APOL3: variants seen among roughly 807,000 people sequenced by gnomAD.
APOL3 encodes apolipoprotein L3.
APOL3 carries 14 observed loss-of-function variants against 11.6 expected under a neutral mutation model. The observed-to-expected ratio is 1.21, with a 90% CI of 0.80 to 1.89. APOL3 has a LOEUF of 1.89. Ranked by LOEUF, APOL3 falls within the 40% of genes most tolerant of loss-of-function variation. APOL3 has a pLI of 0.00. For missense variants in APOL3, 483 were observed against 492.1 expected, an observed-to-expected ratio of 0.98 and a Z score of 0.17; for synonymous variants, 192 against 190.6, an observed-to-expected ratio of 1.01 and a Z score of -0.06.
exon 1 of APOL3, chr22:36,165,944 T>C (rs1389565061): frequency 6.6e-6 from 1 of 152,214 alleles, no homozygotes; most frequent in African/African-American, 2.4e-5. Flanking sequence ...AAACAGCCCC[T>C]GGCCCACCTA....
chr22:36,141,472 G>T (rs1006285216), exon 3 of APOL3: 8 of 1,614,002 alleles, frequency 5.0e-6, no homozygotes, highest in Non-Finnish European at 6.8e-6. Flanking sequence ...GCTGAGATTC[G>T]CCAGGTGGTC....
chr22:36,141,225 C>T lies in APOL3; in HGVS notation c.1184G>A (p.Arg395His), dbSNP rs774322767. Residue 395 changes from arginine to histidine, a missense_variant, in exon 3 of 3, where the codon CGT (arginine) becomes CAT (histidine). Coordinates refer to ENST00000349314, the Ensembl canonical transcript of APOL3. Reference sequence around the variant, plus strand: ...TCAGTGGGTATGGCATGGATTCAGACGCTGATAGATCTGAGTGAGCTCCAT... The same window carrying T: ...TCAGTGGGTATGGCATGGATTCAGATGCTGATAGATCTGAGTGAGCTCCAT... 1.2e-4 allele frequency: 191 copies of T among 1,613,644 alleles called. No individual in the cohort carries two copies. Among genetic ancestry groups the T allele is most frequent in the Non-Finnish European group, 1.4e-4 (168 of 1,179,782 alleles).
At chr22:36,161,400 G>A (rs1028359467), upstream of APOL3, 7 of 176,518 alleles carry the variant, frequency 4.0e-5, no homozygotes, top group African/African-American at 1.2e-4. Context: ...TTTTTACCAG[G>A]TTGGTTTCAA....
chr22:36,144,935 C>T (rs954579294), intron 2 of APOL3, among the ~76,000 whole-genome samples: 10 of 143,928 alleles, frequency 6.9e-5, no homozygotes, highest in East Asian at 2.1e-4. Flanking sequence ...GGCGTGAAAC[C>T]GGGAGGCGGA....
chr22:36,158,803 C>T (rs2013322886), intron 1 of APOL3, among the ~76,000 whole-genome samples: 1 of 151,906 alleles, frequency 6.6e-6, no homozygotes, highest in Admixed American at 6.6e-5. Context: ...GGCGACAGAG[C>T]AAGACTCCGT....
At chr22:36,154,232 G>A (rs978838080) in intron 1 of APOL3, among the ~76,000 whole-genome samples, 24 of 152,202 alleles carry the variant, frequency 1.6e-4, no homozygotes, top group African/African-American at 5.8e-4. Flanking sequence ...CCCTGGCTGA[G>A]GAGGAAGTCC....
At chr22:36,154,599 G>A (rs1390601017) in intron 1 of APOL3, 4 of 470,880 alleles carry the variant, frequency 8.5e-6, no homozygotes, top group Admixed American at 4.7e-5. Context: ...GGAAGCTGGC[G>A]TGGACTCCCA....
upstream of APOL3, chr22:36,165,575 T>C (rs1440499609): frequency 2.6e-5 from 4 of 152,218 alleles, no homozygotes; most frequent in South Asian, 2.1e-4. Context: ...ATACAACTTA[T>C]AGCTTTCAAA....
chr22:36,163,991 G>A (rs1238517798), upstream of APOL3, among the ~76,000 whole-genome samples: 2 of 152,156 alleles, frequency 1.3e-5, no homozygotes, highest in Non-Finnish European at 2.9e-5. Flanking sequence ...TATATTTGCA[G>A]TTCAATTGCC....
upstream of APOL3, among the ~76,000 whole-genome samples, chr22:36,163,452 C>T (rs1042922039): frequency 6.6e-6 from 1 of 152,244 alleles, no homozygotes; most frequent in Non-Finnish European, 1.5e-5. Context: ...CCATAGGCAG[C>T]AGCACAGCTT....
At chr22:36,140,729 G>A (rs565688441) in exon 3 of APOL3, 1 of 161,454 alleles carries the variant, frequency 6.2e-6, no homozygotes, top group East Asian at 1.9e-4. Context: ...ACAGGGCAGG[G>A]GACCATCACC....
chr22:36,145,836 G>C (rs2060180944), intron 1 of APOL3, among the ~76,000 whole-genome samples: 1 of 152,024 alleles, frequency 6.6e-6, no homozygotes. Context: ...AATTTAAAGA[G>C]AGTCGTAAGG....
chr22:36,154,679 T>G lies in APOL3; in HGVS notation c.223+5990A>C, dbSNP rs114297672. The G allele has an allele frequency of 2.5e-3, 1,162 of 469,298 alleles. 14 individuals carry two copies. Among genetic ancestry groups the G allele is most frequent in the African/African-American group, 0.021 (1,054 of 50,100 alleles). The allele number at this position is 469,298 out of a possible 1,614,324, so 29.1% of individuals were successfully genotyped here. On this transcript the variant is annotated intron_variant, in intron 1 of 2. Coordinates refer to ENST00000349314, the Ensembl canonical transcript of APOL3. ...ATAGTAACCACACACAGGGTGACTCTGAGATTGTGAGCAAATGAGACAGAG... is the reference window on the plus strand; with the variant it reads ...ATAGTAACCACACACAGGGTGACTCGGAGATTGTGAGCAAATGAGACAGAG...
chr22:36,150,861 G>A (rs1027092258), intron 1 of APOL3, among the ~76,000 whole-genome samples: 5 of 152,316 alleles, frequency 3.3e-5, no homozygotes, highest in African/African-American at 1.2e-4. Flanking sequence ...CTCCACCCTG[G>A]TGACAGACTG....
chr22:36,163,896 C>A (rs2013795074), upstream of APOL3, among the ~76,000 whole-genome samples: 1 of 152,168 alleles, frequency 6.6e-6, no homozygotes, highest in Non-Finnish European at 1.5e-5. Flanking sequence ...TAAAAGACTG[C>A]CAAAAAATAA....
At position 36,143,275 on chromosome 22, in the gene APOL3, G is replaced by A. The variant is rs147516837; in HGVS notation, c.351-1217C>T. Among the ~76,000 whole-genome samples the A allele has an allele frequency of 9.7e-3, 1,481 of 152,356 alleles. 10 individuals carry two copies. The highest frequency in any genetic ancestry group is 0.015 in the Non-Finnish European group (1,046 of 68,032). ...GAGAACACAGCGTCCTGAGGACAAC[G>A]AAGCTTCACACCTGAAACCCTCCCA... On this transcript the variant is annotated intron_variant, in intron 2 of 2. Transcript: ENST00000349314.
chr22:36,148,468 A>G (rs562224414), intron 1 of APOL3, among the ~76,000 whole-genome samples: 37 of 152,336 alleles, frequency 2.4e-4, no homozygotes, highest in African/African-American at 8.7e-4. Context: ...CTCGCATTCC[A>G]GGTGAGGGGA....
exon 3 of APOL3, chr22:36,141,563 A>T: frequency 6.2e-7 from 1 of 1,614,236 alleles, no homozygotes; most frequent in South Asian, 1.1e-5. Context: ...CGTAATAATT[A>T]TTAAGAAGGG....
exon 3 of APOL3, chr22:36,141,127 C>G: frequency 6.5e-7 from 1 of 1,544,608 alleles, no homozygotes; most frequent in Non-Finnish European, 8.7e-7. Flanking sequence ...TCTTTATCCC[C>G]CTAATAAAAT....
Sources: allele counts gnomAD v4.1 joint callset (sites outside exome capture counted in the v4.1 genomes callset), GRCh38; gene constraint gnomAD v4.1.1; transcripts MANE v1.5; gene names NCBI Gene and HGNC (gene_info 2026-07-23, HGNC 2026-07-21).